BTK: variants seen among roughly 807,000 people sequenced by gnomAD.
The protein encoded by BTK is Bruton tyrosine kinase, also known as tyrosine-protein kinase BTK.
In BTK, 5 loss-of-function variants were observed where a neutral mutation model predicts 57.4. The ratio of observed to expected loss-of-function variants is 0.09; its 90% confidence interval spans 0.05 to 0.18. The LOEUF (loss-of-function observed/expected upper bound fraction) is 0.18, where lower values mean the gene tolerates loss of function less well. BTK is among the 10% of genes least tolerant of loss of function. BTK has a pLI of 1.00. For missense variants in BTK, 194 were observed against 501.2 expected, an observed-to-expected ratio of 0.39 and a Z score of 5.85; for synonymous variants, 154 against 174.3, an observed-to-expected ratio of 0.88 and a Z score of 0.92.
Position 101,353,871 on chromosome X carries a change from A to G in BTK, c.1749T>C (p.Phe583=). The change falls in exon 17 of 19, where the codon TTT becomes TTC. Residue 583 remains phenylalanine (F), a splice_region_variant and synonymous_variant. Transcript: ENST00000308731. ...ATCTGTGTAATCTTATCCACTTACC[A>G]AAAGCCCAAATGTCAGATTTGCTGC... ...KFSSKSDIWA[F]GVLMWEIYSL... 8.3e-7 allele frequency: 1 copy of G among 1,199,149 alleles called. No homozygotes were observed. Among genetic ancestry groups the G allele is most frequent in the Non-Finnish European group, 1.1e-6 (1 of 883,714 alleles).
chrX:101,377,255 T>C (rs1269857287), intron 1 of BTK, among the ~76,000 whole-genome samples: 1 of 111,255 alleles, frequency 9.0e-6, no homozygotes, highest in Non-Finnish European at 1.9e-5. Flanking sequence ...ATTACAATTA[T>C]GCATTTACTC....
intron 18 of BTK, chrX:101,352,921 C>G: frequency 3.9e-6 from 1 of 254,500 alleles, no homozygotes; most frequent in Non-Finnish European, 6.8e-6. Context: ...AAAAAATTAG[C>G]TTGGTGTGGT....
chrX:101,374,276 C>A, intron 3 of BTK: 1 of 348,770 alleles, frequency 2.9e-6, no homozygotes. Context: ...AATCAATGAT[C>A]TCTGACCAGT....
rs35710840 is a variant in BTK, at chrX:101,352,162, C to CAAAA, written c.1908+1028_1908+1031dup. Among the ~76,000 whole-genome samples, 4 of 53,682 alleles carry CAAAA rather than the reference C, an allele frequency of 7.5e-5. No individual in the cohort carries two copies. The Admixed American group carries it at 8.9e-4, about 12-fold the overall frequency. The allele number at this position is 53,682 out of a possible 115,157, so 46.6% of individuals were successfully genotyped here. A position where few individuals can be genotyped will look rare whatever the true frequency, so the allele number is the denominator to read the frequency against. On this transcript the variant is annotated intron_variant, in intron 18 of 18. Transcript: ENST00000308731. ...TGGGCGACAGAGAAAGACTCGGTCT[C>CAAAA]AAAAAAAAAAAAAAAAAAATCTCAT...
At chrX:101,366,508 A>G (rs1160665618) in intron 5 of BTK, among the ~76,000 whole-genome samples, 2 of 111,164 alleles carry the variant, frequency 1.8e-5, no homozygotes, top group Non-Finnish European at 3.8e-5. Flanking sequence ...TAGGATAATA[A>G]AAACATAAAA....
chrX:101,370,578 T>G (rs1555980149), intron 4 of BTK, among the ~76,000 whole-genome samples: 1 of 111,582 alleles, frequency 9.0e-6, no homozygotes, highest in Non-Finnish European at 1.9e-5. Flanking sequence ...TGGCCTCCCC[T>G]CACCAATATT....
upstream of BTK, among the ~76,000 whole-genome samples, chrX:101,390,290 C>A: frequency 8.9e-6 from 1 of 112,062 alleles, no homozygotes; most frequent in East Asian, 2.8e-4. Flanking sequence ...CCGCTAGGTA[C>A]TTTCTACTTC....
intron 4 of BTK, among the ~76,000 whole-genome samples, chrX:101,370,731 A>T (rs926900640): frequency 8.9e-6 from 1 of 112,352 alleles, no homozygotes; most frequent in African/African-American, 3.2e-5. Context: ...CATGAAATAT[A>T]TAAGATGTGG....
In BTK at chrX:101,354,006, C is replaced by T. The variant is rs781988052; in HGVS notation, c.1632-18G>A. 8.9e-7 allele frequency: 1 copy of T among 1,120,411 alleles called. No homozygotes were observed. Among genetic ancestry groups the T allele is most frequent in the East Asian group, 3.0e-5 (1 of 33,518 alleles). 92.3% of individuals were successfully genotyped at this position (1,120,411 alleles called of 1,213,427 possible). A position where few individuals can be genotyped will look rare whatever the true frequency, so the allele number is the denominator to read the frequency against. ...GGACATACCTGCAAGGGATTCAGGA[C>T]TTGTTGCATTAGGATTTGGAGGCTT... On this transcript the variant is annotated intron_variant, in intron 16 of 18. Coordinates refer to ENST00000308731, the MANE Select transcript of BTK (RefSeq NM_000061.3).
Position 101,370,060 on chromosome X carries a change from G to C in BTK, c.329C>G (p.Pro110Arg). ...TTCAGTTGGGGAGAAGACGTAGAGA[G>C]GCCCTTCATCATATACAACCTGGGT... ...YPFQVVYDEG[P>R]LYVFSPTEEL... The change falls in exon 5 of 19, where the codon CCT (proline) becomes CGT (arginine). Residue 110 changes from proline (P) to arginine (R), a missense_variant. Pro to Arg is a moderately radical substitution (Grantham distance 103, BLOSUM62 -2). Coordinates refer to ENST00000308731, the MANE Select transcript of BTK (RefSeq NM_000061.3). 8.3e-7 allele frequency: 1 copy of C among 1,210,385 alleles called. No homozygotes were observed. The highest frequency in any genetic ancestry group is 1.1e-6 in the Non-Finnish European group (1 of 894,338).
chrX:101,355,476 T>C (rs1346972451), intron 15 of BTK: 1 of 119,690 alleles, frequency 8.4e-6, no homozygotes, highest in Non-Finnish European at 1.7e-5. Flanking sequence ...GGATCGAGAT[T>C]GCAGGAAATG....
intron 5 of BTK, among the ~76,000 whole-genome samples, chrX:101,368,757 A>G (rs1926935743): frequency 8.9e-6 from 1 of 112,429 alleles, no homozygotes; most frequent in African/African-American, 3.2e-5. Flanking sequence ...GCACATAGCA[A>G]TAATTGAATA....
intron 18 of BTK, among the ~76,000 whole-genome samples, chrX:101,351,695 C>T (rs781984121): frequency 9.0e-6 from 1 of 111,648 alleles, no homozygotes; most frequent in Admixed American, 9.6e-5. Context: ...TTGGGAAGAA[C>T]TCGAGGTAAG....
intron 1 of BTK, among the ~76,000 whole-genome samples, chrX:101,384,210 A>C (rs1201499092): frequency 1.8e-5 from 2 of 112,051 alleles, no homozygotes; most frequent in Non-Finnish European, 3.8e-5. Flanking sequence ...AATTTGCTCA[A>C]ATGGAAATAG....
At position 101,378,217 on chromosome X, in the gene BTK, G is replaced by A. The variant is rs181565045; in HGVS notation, c.-30-2903C>T. 9.8e-3 allele frequency among the ~76,000 whole-genome samples: 1,073 copies of A among 109,797 alleles called. 6 individuals are homozygous for A. The highest frequency in any genetic ancestry group is 0.038 in the Middle Eastern group (8 of 209). ...TCCTGCCTCGGCCTCCCAAGTAGCCGGGATTACAGGCGTGTGCCACCACAC... is the reference window on the plus strand; with the variant it reads ...TCCTGCCTCGGCCTCCCAAGTAGCCAGGATTACAGGCGTGTGCCACCACAC... On this transcript the variant is annotated intron_variant, in intron 1 of 18. Coordinates refer to ENST00000308731, the MANE Select transcript of BTK (RefSeq NM_000061.3).
upstream of BTK, among the ~76,000 whole-genome samples, chrX:101,389,103 G>A (rs782051205): frequency 1.8e-5 from 2 of 111,638 alleles, no homozygotes; most frequent in Non-Finnish European, 3.8e-5. Context: ...TGATAAGAGA[G>A]CAGATTTTAA....
At chrX:101,389,366 G>C (rs782168284), upstream of BTK, among the ~76,000 whole-genome samples, 61 of 111,874 alleles carry the variant, frequency 5.5e-4, no homozygotes, top group African/African-American at 1.1e-3. Flanking sequence ...CCATGTTCAC[G>C]GTCTTCATAT....
intron 9 of BTK, 69 bp downstream of exon 9, chrX:101,360,019 T>TAA (rs375884867): frequency 1.0e-5 from 3 of 287,022 alleles, no homozygotes; most frequent in African/African-American, 1.0e-4. Flanking sequence ...TATAAATAAA[T>TAA]AAATATATAT....
At chrX:101,384,504 G>A (rs1927550202) in intron 1 of BTK, among the ~76,000 whole-genome samples, 1 of 111,182 alleles carries the variant, frequency 9.0e-6, no homozygotes, top group African/African-American at 3.3e-5. Flanking sequence ...GGCTGAGGCA[G>A]GAGAATTGTT....
Sources: allele counts gnomAD v4.1 joint callset (sites outside exome capture counted in the v4.1 genomes callset), GRCh38; gene constraint gnomAD v4.1.1; transcripts MANE v1.5; gene names NCBI Gene and HGNC (gene_info 2026-07-23, HGNC 2026-07-21).